The following LRRC3B variants were observed in gnomAD, a reference collection of about 807,000 sequenced individuals.
LRRC3B encodes the protein leucine-rich repeat-containing protein 3B.
LRRC3B carries 2 observed loss-of-function variants against 12.8 expected under a neutral mutation model. That is an observed-to-expected ratio of 0.16 (90% CI 0.06 to 0.49). The LOEUF (loss-of-function observed/expected upper bound fraction) is 0.49, where lower values mean the gene tolerates loss of function less well. LRRC3B is among the 20% of genes least tolerant of loss of function. LRRC3B has a pLI of 0.96. For synonymous variants in LRRC3B, 132 were observed against 122.0 expected, an observed-to-expected ratio of 1.08 and a Z score of -0.54; for missense variants, 189 against 319.4, an observed-to-expected ratio of 0.59 and a Z score of 3.11.
intron 1 of LRRC3B, among the ~76,000 whole-genome samples, chr3:26,705,278 G>A (rs550406245): frequency 2.6e-5 from 4 of 152,118 alleles, no homozygotes; most frequent in East Asian, 1.9e-4. Context: ...AAATATGAGC[G>A]AAATATGAGT....
At chr3:26,623,290 C>G (rs939709908) in intron 1 of LRRC3B, 53 bp downstream of exon 1, 2 of 152,438 alleles carry the variant, frequency 1.3e-5, no homozygotes, top group African/African-American at 4.8e-5. Flanking sequence ...ATCCCTCTGC[C>G]CGGGTACCTA....
chr3:26,669,287 G>C (rs1048062816), intron 1 of LRRC3B, among the ~76,000 whole-genome samples: 6 of 152,222 alleles, frequency 3.9e-5, no homozygotes, highest in African/African-American at 1.4e-4. Flanking sequence ...CCATTTCTGA[G>C]CTCATGCCAG....
intron 1 of LRRC3B, among the ~76,000 whole-genome samples, chr3:26,658,349 C>T (rs1020455632): frequency 6.6e-6 from 1 of 152,224 alleles, no homozygotes; most frequent in Non-Finnish European, 1.5e-5. Context: ...TGAGCCACCA[C>T]GCCCGGCCAA....
chr3:26,652,088 G>T (rs1699276460), intron 1 of LRRC3B, among the ~76,000 whole-genome samples: 1 of 152,148 alleles, frequency 6.6e-6, no homozygotes, highest in African/African-American at 2.4e-5. Context: ...ATTTTATTGG[G>T]CAATGGTGGG....
At chr3:26,691,561 G>A (rs1700194853) in intron 1 of LRRC3B, among the ~76,000 whole-genome samples, 1 of 152,158 alleles carries the variant, frequency 6.6e-6, no homozygotes, top group African/African-American at 2.4e-5. Flanking sequence ...AGTATTGTGT[G>A]AAAATAACTT....
chr3:26,659,845 C>T (rs17018501), intron 1 of LRRC3B, among the ~76,000 whole-genome samples: 1,781 of 152,214 alleles, frequency 0.012, 82 homozygotes, highest in East Asian at 0.092. Flanking sequence ...AAGTGTTAGC[C>T]CATCTGGGTT....
chr3:26,628,871 C>T (rs1157293324), intron 1 of LRRC3B, among the ~76,000 whole-genome samples: 1 of 143,232 alleles, frequency 7.0e-6, no homozygotes, highest in Admixed American at 6.9e-5. Context: ...AAATCCTCCA[C>T]AAATAAAAAC....
chr3:26,662,583 C>G (rs1301390753), intron 1 of LRRC3B, among the ~76,000 whole-genome samples: 1 of 152,022 alleles, frequency 6.6e-6, no homozygotes, highest in Non-Finnish European at 1.5e-5. Flanking sequence ...GACAGACAGA[C>G]AGATAAACAG....
chr3:26,653,352 T>G (rs1269446560), intron 1 of LRRC3B, among the ~76,000 whole-genome samples: 1 of 111,646 alleles, frequency 9.0e-6, no homozygotes, highest in Non-Finnish European at 2.0e-5. Context: ...TTTCTGTCAT[T>G]TTTTTTACAG....
chr3:26,656,135 A>C (rs1699367265), intron 1 of LRRC3B, among the ~76,000 whole-genome samples: 8 of 152,166 alleles, frequency 5.3e-5, no homozygotes, highest in African/African-American at 1.9e-4. Flanking sequence ...TAGTCTCTGT[A>C]AGGCAGAACA....
intron 1 of LRRC3B, among the ~76,000 whole-genome samples, chr3:26,663,173 C>G (rs1176850491): frequency 6.6e-6 from 1 of 151,984 alleles, no homozygotes; most frequent in East Asian, 1.9e-4. Flanking sequence ...TTTTTGTAGC[C>G]AGCTTTTAGC....
chr3:26,700,051 T>G (rs555578870), intron 1 of LRRC3B, among the ~76,000 whole-genome samples: 1 of 152,296 alleles, frequency 6.6e-6, no homozygotes, highest in African/African-American at 2.4e-5. Flanking sequence ...AGGAAGGAGT[T>G]AATGTATTCA....
intron 1 of LRRC3B, among the ~76,000 whole-genome samples, chr3:26,681,544 A>G (rs1329083682): frequency 6.6e-6 from 1 of 152,150 alleles, no homozygotes; most frequent in African/African-American, 2.4e-5. Context: ...CTTCTCTGAG[A>G]CTTGATTTTT....
chr3:26,686,119 A>G (rs1700083572), intron 1 of LRRC3B, among the ~76,000 whole-genome samples: 3 of 151,542 alleles, frequency 2.0e-5, no homozygotes, highest in African/African-American at 7.3e-5. Context: ...TCACTCTGTC[A>G]CCCAGGCGGG....
At chr3:26,625,959 G>A (rs1054510814) in intron 1 of LRRC3B, among the ~76,000 whole-genome samples, 3 of 152,236 alleles carry the variant, frequency 2.0e-5, no homozygotes, top group Non-Finnish European at 2.9e-5. Flanking sequence ...GGGCTGAGTG[G>A]TCTGGTGATC....
chr3:26,681,861 C>A (rs1049751848), intron 1 of LRRC3B, among the ~76,000 whole-genome samples: 1 of 152,124 alleles, frequency 6.6e-6, no homozygotes, highest in Admixed American at 6.5e-5. Flanking sequence ...TTCCAAAACC[C>A]CCAGCAGATG....
chr3:26,702,251 G>A (rs1700472988), intron 1 of LRRC3B, among the ~76,000 whole-genome samples: 2 of 152,190 alleles, frequency 1.3e-5, no homozygotes, highest in Non-Finnish European at 2.9e-5. Context: ...GAGATTGCAA[G>A]AGTTCCTTGC....
chr3:26,634,328 C>T (rs1377106403), intron 1 of LRRC3B, among the ~76,000 whole-genome samples: 2 of 152,210 alleles, frequency 1.3e-5, no homozygotes, highest in African/African-American at 4.8e-5. Context: ...CAGAGCCATA[C>T]ACTCAGTACC....
chr3:26,692,998 A>C (rs1700223010), intron 1 of LRRC3B, among the ~76,000 whole-genome samples: 2 of 152,194 alleles, frequency 1.3e-5, no homozygotes, highest in South Asian at 4.1e-4. Flanking sequence ...CCAGCAGGCT[A>C]GCCAGGGCTT....
Sources: gnomAD v4.1 joint callset for allele counts (sites outside exome capture counted in the v4.1 genomes callset) on GRCh38, gnomAD v4.1.1 for gene constraint, MANE v1.5 for transcripts, NCBI Gene and HGNC (gene_info 2026-07-23, HGNC 2026-07-21) for gene names.